The following DCC variants were observed in gnomAD, a reference collection of about 807,000 sequenced individuals.
DCC encodes DCC netrin 1 receptor.
Under a neutral mutation model 172.5 loss-of-function variants are expected in DCC, and 58 were observed. The observed-to-expected ratio is 0.34, with a 90% CI of 0.27 to 0.42. DCC has a LOEUF of 0.42. Among genes scored for constraint, DCC ranks in the 10% least tolerant of loss-of-function variants. DCC has a pLI of 1.00. For missense variants in DCC, 1,740 were observed against 1,791.0 expected, an observed-to-expected ratio of 0.97 and a Z score of 0.51; for synonymous variants, 709 against 644.5, an observed-to-expected ratio of 1.10 and a Z score of -1.52.
chr18:53,403,723 A>T (rs536578669), intron 19 of DCC, among the ~76,000 whole-genome samples: 1 of 152,234 alleles, frequency 6.6e-6, no homozygotes, highest in Non-Finnish European at 1.5e-5. Context: ...TTTTGCATAC[A>T]AGAGCTGGAT....
intron 5 of DCC, among the ~76,000 whole-genome samples, chr18:52,977,329 C>A: frequency 6.6e-6 from 1 of 152,086 alleles, no homozygotes; most frequent in South Asian, 2.1e-4. Flanking sequence ...TATACCCTAC[C>A]TGGGCCCCAG....
rs2056621084 is a variant in DCC, at chr18:53,262,720, G to T, written c.1912-42858G>T. Among the ~76,000 whole-genome samples the T allele has an allele frequency of 1.3e-5, 2 of 152,132 alleles. 1 individual carries two copies. The highest frequency in any genetic ancestry group is 4.1e-4 in the South Asian group (2 of 4,828). Reference sequence around the variant, plus strand: ...TTAGTCTTTCATCAGAGGTTATTTAGTTTTTCTGAATTTTGAAGGAAGATT... The same window carrying T: ...TTAGTCTTTCATCAGAGGTTATTTATTTTTTCTGAATTTTGAAGGAAGATT... On this transcript the variant is annotated intron_variant, in intron 12 of 28. Coordinates refer to ENST00000442544, the MANE Select transcript of DCC (RefSeq NM_005215.4).
intron 8 of DCC, among the ~76,000 whole-genome samples, chr18:53,175,450 C>T (rs1185503564): frequency 1.3e-5 from 2 of 151,994 alleles, no homozygotes; most frequent in Non-Finnish European, 1.5e-5. Context: ...CCCAAAATCT[C>T]CTTAAGCTGA....
Position 52,925,203 on chromosome 18 carries a change from A to G in DCC, c.849-31A>G, listed in dbSNP as rs374521503. On this transcript the variant is annotated intron_variant, in intron 4 of 28. Transcript: ENST00000442544. ...TCTTGCTTAATATATACATATGTTA[A>G]TTTACTCTGCACCTTCCCTATGTCT... 191 of 1,608,074 alleles carry G rather than the reference A, an allele frequency of 1.2e-4. 1 individual carries two copies. In the African/African-American group the frequency reaches 2.3e-3, roughly 19 times the overall value.
At position 53,031,518 on chromosome 18, in the gene DCC, C is replaced by G. The variant is rs117452063; in HGVS notation, c.986-31787C>G. Among the ~76,000 whole-genome samples, 384 of 152,028 alleles carry G rather than the reference C, an allele frequency of 2.5e-3. 3 individuals carry two copies. Among genetic ancestry groups the G allele is most frequent in the Admixed American group, 5.0e-3 (76 of 15,262 alleles). On this transcript the variant is annotated intron_variant, in intron 5 of 28. Transcript: ENST00000442544. ...AGAGTGATAACTGATTTGGATCAGA[C>G]AGAAATGACTTTGCTGTATATCTGC...
intron 1 of DCC, among the ~76,000 whole-genome samples, chr18:52,616,301 T>C (rs2034381481): frequency 6.6e-6 from 1 of 152,166 alleles, no homozygotes; most frequent in African/African-American, 2.4e-5. Flanking sequence ...ATTGGCTAAG[T>C]ATGAGATCTC....
intron 21 of DCC, among the ~76,000 whole-genome samples, chr18:53,421,616 G>C (rs1910647494): frequency 6.6e-6 from 1 of 152,162 alleles, no homozygotes; most frequent in South Asian, 2.1e-4. Flanking sequence ...GTCACTCAGT[G>C]TGTGCTATAG....
intron 7 of DCC, among the ~76,000 whole-genome samples, chr18:53,133,149 A>T (rs890972810): frequency 1.3e-5 from 2 of 152,214 alleles, no homozygotes; most frequent in African/African-American, 4.8e-5. Context: ...TGTCTGTATT[A>T]GCTCCTGCTG....
At chr18:52,437,326 G>A (rs1987828700) in intron 1 of DCC, among the ~76,000 whole-genome samples, 1 of 152,114 alleles carries the variant, frequency 6.6e-6, no homozygotes, top group African/African-American at 2.4e-5. Context: ...GCAGAAAGAG[G>A]ACACACTGGG....
At chr18:52,929,814 GCAAACACACACACA>G (rs1331639658) in intron 5 of DCC, among the ~76,000 whole-genome samples, 1 of 99,796 alleles carries the variant, frequency 1.0e-5, no homozygotes, top group African/African-American at 4.1e-5. Context: ...CCTGGACTTT[GCAAACACACACACA>G]CACACACACA....
chr18:53,382,502 C>G (rs900255090), intron 15 of DCC, among the ~76,000 whole-genome samples: 1 of 152,016 alleles, frequency 6.6e-6, no homozygotes, highest in South Asian at 2.1e-4. Context: ...CTTTGATGAC[C>G]TAAATCCTCA....
At chr18:52,926,537 T>C (rs2040204563) in intron 5 of DCC, among the ~76,000 whole-genome samples, 1 of 151,824 alleles carries the variant, frequency 6.6e-6, no homozygotes. Flanking sequence ...ACATTTGTAG[T>C]ATCAAAATTC....
intron 13 of DCC, among the ~76,000 whole-genome samples, chr18:53,307,033 C>T (rs967192928): frequency 3.3e-5 from 5 of 152,188 alleles, no homozygotes; most frequent in South Asian, 4.1e-4. Flanking sequence ...GAAATCATGA[C>T]TCACACACAT....
chr18:52,869,636 G>A (rs940185437), intron 2 of DCC, among the ~76,000 whole-genome samples: 1 of 152,212 alleles, frequency 6.6e-6, no homozygotes, highest in Non-Finnish European at 1.5e-5. Context: ...ATGCCGAGGG[G>A]CACCAGCAGG....
chr18:53,440,012 G>A (rs140632901), intron 22 of DCC, among the ~76,000 whole-genome samples: 6,192 of 151,520 alleles, frequency 0.041, 421 homozygotes, highest in African/African-American at 0.14. Flanking sequence ...TGATCCGCCC[G>A]CCTCGGCCTC....
intron 1 of DCC, among the ~76,000 whole-genome samples, chr18:52,564,670 G>T (rs1008484790): frequency 9.3e-4 from 111 of 118,760 alleles, no homozygotes; most frequent in African/African-American, 2.7e-3. Flanking sequence ...ATAATATTGG[G>T]GGGGGGGGTG....
At chr18:52,788,579 A>C (rs1199908934) in intron 2 of DCC, among the ~76,000 whole-genome samples, 1 of 152,222 alleles carries the variant, frequency 6.6e-6, no homozygotes, top group Non-Finnish European at 1.5e-5. Flanking sequence ...GTGAGCTAAA[A>C]AATATTTTAA....
At chr18:53,178,641 C>T (rs1425769765) in intron 8 of DCC, among the ~76,000 whole-genome samples, 1 of 152,168 alleles carries the variant, frequency 6.6e-6, no homozygotes, top group Non-Finnish European at 1.5e-5. Context: ...AGATGTTTCT[C>T]CTTATTTTAA....
At position 53,313,062 on chromosome 18, in the gene DCC, GGGT is replaced by G. The variant is rs1236878920; in HGVS notation, c.2053+7346_2053+7348del. 5.5e-3 allele frequency among the ~76,000 whole-genome samples: 638 copies of G among 117,060 alleles called. 3 individuals carry two copies. The highest frequency in any genetic ancestry group is 0.025 in the Admixed American group (255 of 10,118). 76.8% of individuals were successfully genotyped at this position (117,060 alleles called of 152,430 possible). A position where few individuals can be genotyped will look rare whatever the true frequency, so the allele number is the denominator to read the frequency against. The stretch of plus-strand genomic sequence containing the variant: ...AAAGGGAAGAAGGGAGGGAAGGAAA[GGGT>G]GGAAAGGAAGGAAGGAAAAAGGAAG... On this transcript the variant is annotated intron_variant, in intron 13 of 28. Transcript: ENST00000442544.
Sources: gnomAD v4.1 joint callset for allele counts (sites outside exome capture counted in the v4.1 genomes callset) on GRCh38, gnomAD v4.1.1 for gene constraint, MANE v1.5 for transcripts, NCBI Gene and HGNC (gene_info 2026-07-23, HGNC 2026-07-21) for gene names.